HSPA14: variants seen among roughly 807,000 people sequenced by gnomAD.
The protein encoded by HSPA14 is heat shock protein family A (Hsp70) member 14, also known as heat shock 70 kDa protein 14.
HSPA14 carries 37 observed loss-of-function variants against 65.5 expected under a neutral mutation model. The ratio of observed to expected loss-of-function variants is 0.56; its 90% CI spans 0.43 to 0.74. The LOEUF (loss-of-function observed/expected upper bound fraction) is 0.74, where lower values mean the gene tolerates loss of function less well. Ranked by LOEUF, HSPA14 falls within the 30% of genes least tolerant of loss-of-function variation. The probability of loss-of-function intolerance (pLI) is 0.00; values close to 1 mark genes in which losing one functional copy is unlikely to be tolerated. For synonymous variants in HSPA14, 203 were observed against 214.2 expected, an observed-to-expected ratio of 0.95 and a Z score of 0.46; for missense variants, 564 against 607.6, an observed-to-expected ratio of 0.93 and a Z score of 0.75.
rs180995125 is a variant in HSPA14, at chr10:14,865,554, T to C, written c.994-1529T>C. ...CTTTCTACCTATGGCTAGCCAAGTT[T>C]TCCCAGCACCATTTGTTAAATAGGG... On this transcript the variant is annotated intron_variant, in intron 10 of 13. Transcript: ENST00000378372. 3.6e-3 allele frequency among the ~76,000 whole-genome samples: 549 copies of C among 152,376 alleles called. 4 individuals are homozygous for C. The highest frequency in any genetic ancestry group is 9.3e-3 in the Admixed American group (143 of 15,302).
At chr10:14,870,543 A>C (rs1319974810) in intron 12 of HSPA14, 54 bp from the exon 13 acceptor site, 1 of 1,536,142 alleles carries the variant, frequency 6.5e-7, no homozygotes, top group African/African-American at 1.4e-5. Flanking sequence ...TTGATACATC[A>C]GTTCATTTAT....
At chr10:14,862,551 A>G (rs191037747) in intron 10 of HSPA14, among the ~76,000 whole-genome samples, 59 of 143,752 alleles carry the variant, frequency 4.1e-4, no homozygotes, top group Middle Eastern at 4.2e-3. Flanking sequence ...ATTTTTTTGT[A>G]TTTTTAGTAG....
intron 3 of HSPA14, 63 bp downstream of exon 3, chr10:14,840,220 A>G: frequency 1.2e-6 from 1 of 844,404 alleles, no homozygotes; most frequent in Non-Finnish European, 1.7e-6. Flanking sequence ...TTCTAAGCAT[A>G]ATGTGAAAAG....
chr10:14,855,217 G>A (rs1283742418), intron 9 of HSPA14, among the ~76,000 whole-genome samples: 6 of 152,016 alleles, frequency 3.9e-5, no homozygotes, highest in Non-Finnish European at 2.9e-5. Flanking sequence ...TATCTATAAG[G>A]TTTATAGATA....
chr10:14,844,639 G>A (rs1834023445), intron 3 of HSPA14: 1 of 984,418 alleles, frequency 1.0e-6, no homozygotes, highest in South Asian at 4.7e-5. Flanking sequence ...AAGGAAATAA[G>A]AAGTGCCAGG....
rs1364466142 is a variant in HSPA14, at chr10:14,862,338, A to C, written c.994-4745A>C. Reference sequence around the variant, plus strand: ...CCACAGCACCCAGCCCCAAGAAAATAGATTTTATCATATTGAGAAAGCTCT... The same window carrying C: ...CCACAGCACCCAGCCCCAAGAAAATCGATTTTATCATATTGAGAAAGCTCT... On this transcript the variant is annotated intron_variant, in intron 10 of 13. Coordinates refer to ENST00000378372, the MANE Select transcript of HSPA14 (RefSeq NM_016299.4). Among the ~76,000 whole-genome samples, 14 of 146,528 alleles carry C rather than the reference A, an allele frequency of 9.6e-5. No homozygotes were observed. The East Asian group carries it at 2.8e-3, about 29-fold the overall frequency.
intron 3 of HSPA14, chr10:14,843,464 G>A (rs1834001078): frequency 5.8e-6 from 9 of 1,550,628 alleles, no homozygotes; most frequent in Non-Finnish European, 7.8e-6. Context: ...GCCAGACTGG[G>A]TGTGTCCGGG....
intron 3 of HSPA14, 23 bp downstream of exon 3, chr10:14,840,180 T>C (rs1331916934): frequency 2.1e-5 from 24 of 1,126,716 alleles, no homozygotes; most frequent in Admixed American, 4.9e-5. Context: ...ATGATACTTT[T>C]AAATATGGTA....
intron 1 of HSPA14, 123 bp downstream of exon 1, chr10:14,838,582 G>A: frequency 2.1e-6 from 2 of 947,436 alleles, no homozygotes; most frequent in Non-Finnish European, 1.5e-6. Context: ...TGGCGTTGCC[G>A]CGAGGACACT....
intron 3 of HSPA14, chr10:14,844,794 C>T (rs951421357): frequency 6.3e-5 from 62 of 985,194 alleles, no homozygotes; most frequent in Non-Finnish European, 7.1e-5. Context: ...CTTTAAGTTT[C>T]GGTTGCCATT....
At chr10:14,852,879 T>C (rs1382912592) in intron 8 of HSPA14, among the ~76,000 whole-genome samples, 3 of 152,224 alleles carry the variant, frequency 2.0e-5, no homozygotes, top group Non-Finnish European at 2.9e-5. Context: ...GAACAGTTTT[T>C]AAAAGTTTGG....
intron 6 of HSPA14, 82 bp from the exon 7 acceptor site, chr10:14,851,137 T>C (rs1271515933): frequency 7.7e-6 from 6 of 780,150 alleles, no homozygotes; most frequent in Middle Eastern, 2.5e-4. Context: ...AGCTTTTGTA[T>C]AAAATCTTTA....
chr10:14,864,221 CTCTG>C (rs1199930709), intron 10 of HSPA14, among the ~76,000 whole-genome samples: 7 of 139,188 alleles, frequency 5.0e-5, no homozygotes, highest in African/African-American at 1.9e-4. Flanking sequence ...CAGGGCAAGA[CTCTG>C]TCTCCGGAAA....
chr10:14,867,002 A>T, intron 10 of HSPA14, 81 bp from the exon 11 acceptor site: 1 of 938,728 alleles, frequency 1.1e-6, no homozygotes, highest in South Asian at 1.5e-5. Context: ...TACGATGAAG[A>T]TGACTCAGTC....
intron 3 of HSPA14, among the ~76,000 whole-genome samples, chr10:14,841,715 C>T (rs903549647): frequency 2.6e-5 from 4 of 152,196 alleles, no homozygotes; most frequent in African/African-American, 7.2e-5. Flanking sequence ...AACTTAAACT[C>T]ACTTTTCTGG....
At chr10:14,843,673 C>T (rs1360417732) in intron 3 of HSPA14, 14 of 1,546,318 alleles carry the variant, frequency 9.1e-6, no homozygotes, top group Non-Finnish European at 1.1e-5. Flanking sequence ...AGAAAACAGG[C>T]GATTGGCACG....
At chr10:14,838,649 C>G (rs1221930917) in intron 1 of HSPA14, 190 bp downstream of exon 1, 3 of 559,260 alleles carry the variant, frequency 5.4e-6, no homozygotes, top group African/African-American at 2.0e-5. Flanking sequence ...TCCGGAAAGT[C>G]GTCTACTCCG....
chr10:14,843,274 A>T, intron 3 of HSPA14: 1 of 1,446,066 alleles, frequency 6.9e-7, no homozygotes, highest in South Asian at 1.2e-5. Flanking sequence ...TTCCAGGAAC[A>T]ACCATAGTTT....
intron 3 of HSPA14, chr10:14,846,458 A>G: frequency 1.0e-6 from 1 of 985,338 alleles, no homozygotes; most frequent in Non-Finnish European, 1.2e-6. Context: ...AAGGTCTTGA[A>G]TAAGTACACA....
Sources: allele counts gnomAD v4.1 joint callset (sites outside exome capture counted in the v4.1 genomes callset), GRCh38; gene constraint gnomAD v4.1.1; transcripts MANE v1.5; gene names NCBI Gene and HGNC (gene_info 2026-07-23, HGNC 2026-07-21).